FBXW11: variants seen among roughly 807,000 people sequenced by gnomAD.
The protein encoded by FBXW11 is F-box/WD repeat-containing protein 11.
Under a neutral mutation model 77.6 loss-of-function variants are expected in FBXW11, and 19 were observed. That is an observed-to-expected ratio of 0.24 (90% CI 0.17 to 0.36). The LOEUF is 0.36. FBXW11 is among the 10% of genes least tolerant of loss of function. The pLI is 1.00. For missense variants in FBXW11, 334 were observed against 704.2 expected (o/e 0.47, Z 5.95); for synonymous variants, 235 against 249.4 (o/e 0.94, Z 0.54).
chr5:171,992,419 T>A (rs1765790761), intron 1 of FBXW11, among the ~76,000 whole-genome samples: 1 of 145,062 alleles, frequency 6.9e-6, no homozygotes, highest in African/African-American at 2.6e-5. Context: ...AGAGTGAGAC[T>A]CTGTGAAAGA....
chr5:171,899,364 T>G (rs1420990931), intron 5 of FBXW11, among the ~76,000 whole-genome samples: 1 of 152,242 alleles, frequency 6.6e-6, no homozygotes, highest in Non-Finnish European at 1.5e-5. Flanking sequence ...AAAGCGCTAA[T>G]GTAGCTTTGT....
intron 2 of FBXW11, among the ~76,000 whole-genome samples, chr5:171,918,847 A>C (rs1238011640): frequency 6.6e-6 from 1 of 152,188 alleles, no homozygotes; most frequent in South Asian, 2.1e-4. Context: ...GTGAGAATCA[A>C]AAATGTCTCC....
intron 1 of FBXW11, among the ~76,000 whole-genome samples, chr5:171,964,397 G>C (rs1007484729): frequency 6.6e-6 from 1 of 152,254 alleles, no homozygotes; most frequent in African/African-American, 2.4e-5. Context: ...GGGTCTTGAT[G>C]AATCAGACAA....
chr5:171,930,733 T>C (rs368137008), intron 2 of FBXW11, among the ~76,000 whole-genome samples: 2 of 50,218 alleles, frequency 4.0e-5, no homozygotes, highest in South Asian at 5.3e-4. Flanking sequence ...AAAAAATAAA[T>C]AAAAAATAAA....
At chr5:171,877,548 AG>A (rs1203759850) in intron 8 of FBXW11, among the ~76,000 whole-genome samples, 2 of 152,020 alleles carry the variant, frequency 1.3e-5, no homozygotes, top group South Asian at 4.2e-4. Flanking sequence ...CATAGGGCAG[AG>A]GGGGAAAGAC....
At chr5:171,874,256 A>G (rs1757932603) in intron 9 of FBXW11, among the ~76,000 whole-genome samples, 2 of 149,788 alleles carry the variant, frequency 1.3e-5, no homozygotes, top group South Asian at 4.7e-4. Flanking sequence ...CAATAAGCAT[A>G]CAACAAGTTG....
intron 2 of FBXW11, among the ~76,000 whole-genome samples, chr5:171,945,410 T>C (rs1469102267): frequency 1.3e-5 from 2 of 152,234 alleles, no homozygotes; most frequent in Non-Finnish European, 2.9e-5. Context: ...GTTTGAATCG[T>C]GGCTCCACTA....
At chr5:171,883,166 G>T (rs1157392945) in intron 7 of FBXW11, among the ~76,000 whole-genome samples, 1 of 152,146 alleles carries the variant, frequency 6.6e-6, no homozygotes, top group East Asian at 1.9e-4. Flanking sequence ...ATCAGTCACA[G>T]TTTCTTTATC....
chr5:171,916,184 C>G (rs551724176), intron 2 of FBXW11, among the ~76,000 whole-genome samples: 1 of 144,058 alleles, frequency 6.9e-6, no homozygotes, highest in Non-Finnish European at 1.5e-5. Flanking sequence ...CACATGTATA[C>G]ATATGTAACA....
intron 1 of FBXW11, among the ~76,000 whole-genome samples, chr5:171,976,794 C>A (rs997935873): frequency 2.0e-5 from 3 of 152,034 alleles, no homozygotes; most frequent in African/African-American, 7.2e-5. Context: ...CGCCTGTAAC[C>A]CCAGCAATTT....
At chr5:171,864,956 T>G (rs1757293304) in intron 13 of FBXW11, among the ~76,000 whole-genome samples, 1 of 146,844 alleles carries the variant, frequency 6.8e-6, no homozygotes, top group South Asian at 2.1e-4. Flanking sequence ...AAAGTCACCT[T>G]AGGTGGCAAA....
At chr5:171,956,645 C>A (rs1362804228) in intron 2 of FBXW11, among the ~76,000 whole-genome samples, 1 of 152,306 alleles carries the variant, frequency 6.6e-6, no homozygotes, top group East Asian at 1.9e-4. Context: ...AACTTGAGAA[C>A]AGCAAAGTCA....
chr5:171,975,565 G>A (rs1250355404), intron 1 of FBXW11, among the ~76,000 whole-genome samples: 1 of 152,188 alleles, frequency 6.6e-6, no homozygotes, highest in African/African-American at 2.4e-5. Flanking sequence ...TAAGTAAAAT[G>A]TAAGTAAATA....
chr5:171,959,513 A>T (rs192650939), intron 1 of FBXW11, among the ~76,000 whole-genome samples: 7 of 152,126 alleles, frequency 4.6e-5, no homozygotes, highest in Middle Eastern at 3.4e-3. Flanking sequence ...TAAGAAAAAA[A>T]TTTTTTTAAT....
At chr5:171,950,124 A>G (rs1763228197) in intron 2 of FBXW11, among the ~76,000 whole-genome samples, 1 of 152,174 alleles carries the variant, frequency 6.6e-6, no homozygotes, top group South Asian at 2.1e-4. Flanking sequence ...TGATGATAGA[A>G]AATCTTAATT....
At position 171,991,081 on chromosome 5, in the gene FBXW11, C is replaced by T. The variant is rs370175509; in HGVS notation, c.45+15377G>A. Among the ~76,000 whole-genome samples the T allele has an allele frequency of 1.7e-4, 26 of 152,296 alleles. No individual in the cohort carries two copies. The South Asian group carries it at 4.1e-3, about 24-fold the overall frequency. ...CCTCAGGTGATCCACCTGCCTCAGC[C>T]TCCCAAAGTGCTGGGATTAAAGGAG... On this transcript the variant is annotated intron_variant, in intron 1 of 13. Transcript: ENST00000517395.
intron 2 of FBXW11, among the ~76,000 whole-genome samples, chr5:171,940,857 A>G (rs1158329783): frequency 6.7e-6 from 1 of 148,394 alleles, no homozygotes; most frequent in African/African-American, 2.5e-5. Context: ...ACTGCACTCC[A>G]GCCTGGCGAC....
At chr5:171,953,305 G>T (rs1371434052) in intron 2 of FBXW11, among the ~76,000 whole-genome samples, 1 of 152,080 alleles carries the variant, frequency 6.6e-6, no homozygotes, top group Non-Finnish European at 1.5e-5. Context: ...CAAAAATGTA[G>T]GTTTTAGTGT....
intron 2 of FBXW11, among the ~76,000 whole-genome samples, chr5:171,943,238 A>G (rs1002843088): frequency 6.6e-6 from 1 of 152,224 alleles, no homozygotes; most frequent in African/African-American, 2.4e-5. Flanking sequence ...AACATAAGGC[A>G]TGGGACATAG....
Sources: gnomAD v4.1 joint callset for allele counts (sites outside exome capture counted in the v4.1 genomes callset) on GRCh38, gnomAD v4.1.1 for gene constraint, MANE v1.5 for transcripts, NCBI Gene and HGNC (gene_info 2026-07-23, HGNC 2026-07-21) for gene names.